Variants in GRM7 observed in about 807,000 individuals in gnomAD.
GRM7 encodes the protein glutamate metabotropic receptor 7, also known as metabotropic glutamate receptor 7.
A neutral mutation model predicts 84.5 loss-of-function variants in GRM7; 35 were observed. The observed-to-expected ratio is 0.41, with a 90% CI of 0.32 to 0.55. The LOEUF (loss-of-function observed/expected upper bound fraction) is 0.55, where lower values mean the gene tolerates loss of function less well. Among genes scored for constraint, GRM7 ranks in the 20% least tolerant of loss-of-function variants. The pLI is 0.19. For synonymous variants in GRM7, 487 were observed against 455.1 expected, an observed-to-expected ratio of 1.07 and a Z score of -0.89; for missense variants, 1,003 against 1,194.6, an observed-to-expected ratio of 0.84 and a Z score of 2.36.
intron 8 of GRM7, among the ~76,000 whole-genome samples, chr3:7,587,420 C>A (rs1695568139): frequency 6.6e-6 from 1 of 152,098 alleles, no homozygotes; most frequent in Admixed American, 6.5e-5. Flanking sequence ...TCTACCTGGG[C>A]ATTGGCAGGA....
At chr3:7,407,136 C>T (rs1467629212) in intron 4 of GRM7, among the ~76,000 whole-genome samples, 1 of 152,164 alleles carries the variant, frequency 6.6e-6, no homozygotes, top group Non-Finnish European at 1.5e-5. Context: ...CTGCACAGAA[C>T]ATTTAATCAC....
chr3:7,528,907 T>C (rs1349798837), intron 7 of GRM7, among the ~76,000 whole-genome samples: 1 of 152,100 alleles, frequency 6.6e-6, no homozygotes, highest in Non-Finnish European at 1.5e-5. Context: ...TTTTTTTAAA[T>C]TTATTGAGAC....
At chr3:7,365,625 A>ATGCATGTGTGTGTGCGTGT (rs1396621037) in intron 4 of GRM7, among the ~76,000 whole-genome samples, 2 of 142,408 alleles carry the variant, frequency 1.4e-5, no homozygotes, top group East Asian at 4.1e-4. Context: ...CTGATTTAAT[A>ATGCATGTGTGTGTGCGTGT]TGCATGTGTG....
intron 2 of GRM7, among the ~76,000 whole-genome samples, chr3:7,245,092 G>A (rs1697708229): frequency 6.6e-6 from 1 of 151,900 alleles, no homozygotes; most frequent in South Asian, 2.1e-4. Context: ...TGATCAGTGA[G>A]TTAGAGGAAA....
chr3:7,517,915 G>A (rs912276923), intron 7 of GRM7, among the ~76,000 whole-genome samples: 5 of 152,166 alleles, frequency 3.3e-5, no homozygotes, highest in African/African-American at 9.7e-5. Context: ...TATTTACAGC[G>A]GCTCAGGACC....
rs891079687 is a variant in GRM7 at position 7,235,860 on chromosome 3, T to G, written c.737-62824T>G. Among the ~76,000 whole-genome samples, 12 of 152,248 alleles carry G rather than the reference T, an allele frequency of 7.9e-5. No individual in the cohort carries two copies. In the East Asian group the frequency reaches 9.6e-4, roughly 12 times the overall value. ...AAAAAAATGTTTGGCTAAATGATAG[T>G]ACATACAGTAGATCAATACAGCAAA... On this transcript the variant is annotated intron_variant, in intron 2 of 9. Coordinates refer to ENST00000357716, the MANE Select transcript of GRM7 (RefSeq NM_000844.4).
intron 9 of GRM7, among the ~76,000 whole-genome samples, chr3:7,701,493 C>A (rs1701227298): frequency 6.6e-6 from 1 of 151,984 alleles, no homozygotes; most frequent in African/African-American, 2.4e-5. Flanking sequence ...TTAGTAGAGA[C>A]AGGGTTTCAC....
chr3:6,992,189 G>A (rs144522075), intron 1 of GRM7, among the ~76,000 whole-genome samples: 1 of 152,274 alleles, frequency 6.6e-6, no homozygotes, highest in East Asian at 1.9e-4. Flanking sequence ...TTCTGGGCCT[G>A]TCTATTGTGC....
chr3:6,948,281 C>T (rs1471027117), intron 1 of GRM7, among the ~76,000 whole-genome samples: 1 of 152,110 alleles, frequency 6.6e-6, no homozygotes, highest in Non-Finnish European at 1.5e-5. Flanking sequence ...TTTCAAAGAA[C>T]ATCTTTATTT....
At chr3:7,119,427 A>T (rs1009761521) in intron 1 of GRM7, among the ~76,000 whole-genome samples, 3 of 152,116 alleles carry the variant, frequency 2.0e-5, no homozygotes, top group African/African-American at 7.2e-5. Flanking sequence ...CCTTCTTGAG[A>T]TTTCACACAC....
chr3:7,676,985 G>C (rs868736430), intron 8 of GRM7, among the ~76,000 whole-genome samples: 1 of 152,054 alleles, frequency 6.6e-6, no homozygotes, highest in Middle Eastern at 3.4e-3. Context: ...AATAAGGCTG[G>C]GCATGGTGGC....
At chr3:7,319,860 T>G (rs866398135) in intron 4 of GRM7, among the ~76,000 whole-genome samples, 6 of 152,014 alleles carry the variant, frequency 3.9e-5, no homozygotes, top group African/African-American at 1.4e-4. Flanking sequence ...TGAAGTATAA[T>G]TAGCATAGAC....
chr3:7,634,398 C>T (rs960297650), intron 8 of GRM7, among the ~76,000 whole-genome samples: 4 of 141,954 alleles, frequency 2.8e-5, no homozygotes, highest in African/African-American at 1.1e-4. Flanking sequence ...CCATTGCAAA[C>T]TGAAAGCGTA....
intron 8 of GRM7, among the ~76,000 whole-genome samples, chr3:7,612,305 G>T (rs185038797): frequency 6.6e-6 from 1 of 152,140 alleles, no homozygotes; most frequent in Non-Finnish European, 1.5e-5. Context: ...ACTTCCTGGA[G>T]TTTATGTTCA....
At chr3:7,384,504 A>C (rs1328029666) in intron 4 of GRM7, among the ~76,000 whole-genome samples, 1 of 152,226 alleles carries the variant, frequency 6.6e-6, no homozygotes, top group Non-Finnish European at 1.5e-5. Flanking sequence ...CCATATTTTA[A>C]AAAGGTAAAA....
rs1259676810 is a variant in GRM7 at position 7,694,796 on chromosome 3, T to A, written c.2698+14501T>A. Among the ~76,000 whole-genome samples the A allele has an allele frequency of 2.6e-5, 4 of 152,204 alleles. No individual in the cohort carries two copies. In the South Asian group the frequency reaches 8.3e-4, roughly 31 times the overall value. ...ACCAATGACCAATTTTAAAAAGTCC[T>A]ATGTATGGCAGAAAATTTGCCAAAA... On this transcript the variant is annotated intron_variant, in intron 9 of 9. Transcript: ENST00000357716.
chr3:7,348,349 C>A (rs1692983122), intron 4 of GRM7, among the ~76,000 whole-genome samples: 1 of 152,072 alleles, frequency 6.6e-6, no homozygotes, highest in Non-Finnish European at 1.5e-5. Flanking sequence ...ATAGTCACAT[C>A]TCATTTACTC....
chr3:7,545,800 A>G (rs771725024), intron 7 of GRM7, among the ~76,000 whole-genome samples: 1 of 152,134 alleles, frequency 6.6e-6, no homozygotes, highest in Non-Finnish European at 1.5e-5. Context: ...TCACTTTGTA[A>G]TAATTCACAA....
intron 2 of GRM7, among the ~76,000 whole-genome samples, chr3:7,195,551 T>C (rs901513271): frequency 3.9e-5 from 6 of 152,174 alleles, no homozygotes; most frequent in African/African-American, 1.4e-4. Context: ...ATGTAGTTGG[T>C]ATGCTGGGAG....
Sources: gnomAD v4.1 joint callset for allele counts (sites outside exome capture counted in the v4.1 genomes callset) on GRCh38, gnomAD v4.1.1 for gene constraint, MANE v1.5 for transcripts, NCBI Gene and HGNC (gene_info 2026-07-23, HGNC 2026-07-21) for gene names.